Variants in MARCHF1 observed in about 807,000 individuals in gnomAD.
MARCHF1 encodes the protein membrane associated ring-CH-type finger 1.
Under a neutral mutation model 54.2 loss-of-function variants are expected in MARCHF1, and 40 were observed. That is an observed-to-expected ratio of 0.74 (90% CI 0.57 to 0.96). The LOEUF (loss-of-function observed/expected upper bound fraction) is 0.96. MARCHF1 is among the 40% of genes least tolerant of loss of function. The pLI is 0.00. For missense variants in MARCHF1, 586 were observed against 656.5 expected, an observed-to-expected ratio of 0.89 and a Z score of 1.17; for synonymous variants, 236 against 236.3, an observed-to-expected ratio of 1.00 and a Z score of 0.01.
Position 164,133,827 on chromosome 4 carries a change from T to C in MARCHF1, c.-322-22165A>G, listed in dbSNP as rs115453575. On this transcript the variant is annotated intron_variant, in intron 1 of 9. Coordinates refer to ENST00000514618, the MANE Select transcript of MARCHF1 (RefSeq NM_001394959.1). ...CATTAACCCAGATGACCTACTGCAC[T>C]TTGCAAAAAAGACACCAAGAGTAGC... 3.8e-3 allele frequency among the ~76,000 whole-genome samples: 581 copies of C among 152,316 alleles called. 7 individuals are homozygous for C. Among genetic ancestry groups the C allele is most frequent in the African/African-American group, 0.013 (542 of 41,568 alleles).
intron 8 of MARCHF1, among the ~76,000 whole-genome samples, chr4:163,547,199 C>G (rs925682273): frequency 1.3e-5 from 2 of 152,124 alleles, no homozygotes; most frequent in African/African-American, 4.8e-5. Flanking sequence ...ATCATGTACT[C>G]TCTCTGGGCC....
At chr4:164,248,352 G>A (rs1733021343) in intron 1 of MARCHF1, among the ~76,000 whole-genome samples, 1 of 152,018 alleles carries the variant, frequency 6.6e-6, no homozygotes. Flanking sequence ...CATTGTGAGA[G>A]TAAATGTCCC....
At chr4:164,013,178 C>T (rs1261842941) in intron 2 of MARCHF1, among the ~76,000 whole-genome samples, 5 of 152,084 alleles carry the variant, frequency 3.3e-5, no homozygotes, top group East Asian at 1.9e-4. Flanking sequence ...AATTCTATCA[C>T]AAAAATTTAA....
intron 5 of MARCHF1, among the ~76,000 whole-genome samples, chr4:163,672,043 G>T (rs1743754043): frequency 6.6e-6 from 1 of 152,078 alleles, no homozygotes; most frequent in Non-Finnish European, 1.5e-5. Flanking sequence ...TTACTCCAGG[G>T]TTGTTTATAC....
intron 3 of MARCHF1, among the ~76,000 whole-genome samples, chr4:163,987,574 A>T (rs1752893967): frequency 6.6e-6 from 1 of 152,178 alleles, no homozygotes; most frequent in African/African-American, 2.4e-5. Context: ...TGAGGGAAAA[A>T]AAAGGTTAAC....
chr4:164,196,962 A>G (rs1305893110), intron 1 of MARCHF1: 1 of 1,599,802 alleles, frequency 6.3e-7, no homozygotes, highest in African/African-American at 1.3e-5. Flanking sequence ...TTTTCAAAAT[A>G]GGTTATTCTA....
Position 163,528,106 on chromosome 4 carries a change from G to GTGACT in MARCHF1, c.*637_*641dup, listed in dbSNP as rs1369354307. On this transcript the variant is annotated 3_prime_UTR_variant, in exon 10 of 10. Coordinates refer to ENST00000514618, the MANE Select transcript of MARCHF1 (RefSeq NM_001394959.1). ...CGAACATTTTCTGAAAATCTTTTGCGTGACTTAAACAAACGTAATTAATTC... is the reference window on the plus strand; with the variant it reads ...CGAACATTTTCTGAAAATCTTTTGCGTGACTTGACTTAAACAAACGTAATTAATTC... 1 of 152,392 alleles carries GTGACT rather than the reference G, an allele frequency of 6.6e-6. No individual in the cohort carries two copies. Among genetic ancestry groups the GTGACT allele is most frequent in the Non-Finnish European group, 1.5e-5 (1 of 67,982 alleles). The allele number at this position is 152,392 out of a possible 1,614,324, so 9.4% of individuals were successfully genotyped here.
chr4:164,137,331 C>G (rs892316097), intron 1 of MARCHF1, among the ~76,000 whole-genome samples: 1 of 151,988 alleles, frequency 6.6e-6, no homozygotes, highest in African/African-American at 2.4e-5. Flanking sequence ...CAGAATATGT[C>G]AAAAGGAGAA....
At chr4:163,784,143 T>TA (rs1247692803) in intron 4 of MARCHF1, among the ~76,000 whole-genome samples, 1 of 150,082 alleles carries the variant, frequency 6.7e-6, no homozygotes, top group Admixed American at 6.7e-5. Context: ...AGAAATTCTT[T>TA]TTTTTTTTTT....
chr4:164,041,429 C>T (rs1346148963), intron 2 of MARCHF1, among the ~76,000 whole-genome samples: 1 of 152,112 alleles, frequency 6.6e-6, no homozygotes, highest in Non-Finnish European at 1.5e-5. Context: ...AAGATTCATG[C>T]CTTCCTCATT....
chr4:164,099,097 GC>G (rs1343321881), intron 2 of MARCHF1, among the ~76,000 whole-genome samples: 1 of 152,154 alleles, frequency 6.6e-6, no homozygotes, highest in Non-Finnish European at 1.5e-5. Flanking sequence ...CACAATCTTT[GC>G]AAAATTTAGC....
At chr4:163,545,465 T>C (rs1738866309) in intron 9 of MARCHF1, 131 bp downstream of exon 9, 2 of 771,594 alleles carry the variant, frequency 2.6e-6, no homozygotes, top group Non-Finnish European at 4.1e-6. Flanking sequence ...TAGGGAAGAA[T>C]CAATAGCAAA....
intron 2 of MARCHF1, among the ~76,000 whole-genome samples, chr4:163,997,345 T>C (rs542865458): frequency 6.6e-6 from 1 of 152,130 alleles, no homozygotes; most frequent in African/African-American, 2.4e-5. Context: ...TTTGAAACAC[T>C]AGAACATATA....
At chr4:163,828,599 A>G (rs970613504) in intron 4 of MARCHF1, among the ~76,000 whole-genome samples, 4 of 152,206 alleles carry the variant, frequency 2.6e-5, no homozygotes, top group African/African-American at 7.2e-5. Flanking sequence ...AGGTATTTAC[A>G]TTAAAAATAG....
intron 1 of MARCHF1, among the ~76,000 whole-genome samples, chr4:164,142,944 T>A (rs944736239): frequency 5.9e-5 from 9 of 151,978 alleles, no homozygotes; most frequent in African/African-American, 2.2e-4. Flanking sequence ...GAAGAATGTA[T>A]AACTAGAATA....
intron 1 of MARCHF1, among the ~76,000 whole-genome samples, chr4:164,366,736 T>C (rs1328351723): frequency 6.6e-6 from 1 of 151,954 alleles, no homozygotes; most frequent in Non-Finnish European, 1.5e-5. Flanking sequence ...TGTTTCAGCA[T>C]ATTAAATTTT....
At position 163,854,151 on chromosome 4, in the gene MARCHF1, CT is replaced by C. The variant is rs1328818704; in HGVS notation, c.-21del. 2.0e-6 allele frequency: 3 copies of C among 1,514,506 alleles called. No homozygotes were observed. The highest frequency in any genetic ancestry group is 2.6e-6 in the Non-Finnish European group (3 of 1,135,410). 93.8% of individuals were successfully genotyped at this position (1,514,506 alleles called of 1,614,324 possible). A position where few individuals can be genotyped will look rare whatever the true frequency, so the allele number is the denominator to read the frequency against. The stretch of plus-strand genomic sequence containing the variant: ...CAGCATTTTCTCCTTCCTCTTATCC[CT>C]TTTCAATTTCTGAAATTCTGAAAAT... On this transcript the variant is annotated 5_prime_UTR_variant, in exon 4 of 10. It removes the in-frame stop codon of an upstream open reading frame in the 5' UTR. Coordinates refer to ENST00000514618, the MANE Select transcript of MARCHF1 (RefSeq NM_001394959.1).
chr4:164,247,874 A>G (rs555086066), intron 1 of MARCHF1, among the ~76,000 whole-genome samples: 2 of 149,994 alleles, frequency 1.3e-5, no homozygotes, highest in South Asian at 4.3e-4. Context: ...ATTTCAAGGG[A>G]GCAGAATTAG....
intron 1 of MARCHF1, among the ~76,000 whole-genome samples, chr4:164,180,525 G>A (rs970554928): frequency 8.9e-6 from 1 of 112,042 alleles, no homozygotes; most frequent in Non-Finnish European, 1.7e-5. Flanking sequence ...ATATTTCAAG[G>A]CTGAAGTTTT....
Sources: allele counts gnomAD v4.1 joint callset (sites outside exome capture counted in the v4.1 genomes callset), GRCh38; gene constraint gnomAD v4.1.1; transcripts MANE v1.5; gene names NCBI Gene and HGNC (gene_info 2026-07-23, HGNC 2026-07-21).